DNAH8: variants seen among roughly 807,000 people sequenced by gnomAD.
DNAH8 encodes dynein axonemal heavy chain 8, also known as axonemal beta dynein heavy chain 8.
In DNAH8, 382 loss-of-function variants were observed where a neutral mutation model predicts 562.1. That is an observed-to-expected ratio of 0.68 (90% CI 0.63 to 0.74). The LOEUF is 0.74. Ranked by LOEUF, DNAH8 falls within the 30% of genes least tolerant of loss-of-function variation. The pLI is 0.00. For missense variants in DNAH8, 5,203 were observed against 5,620.4 expected (o/e 0.93, Z 2.37); for synonymous variants, 1,881 against 1,919.4 (o/e 0.98, Z 0.52).
chr6:38,912,009 A>AT (rs1401409902), intron 66 of DNAH8, among the ~76,000 whole-genome samples: 1 of 152,270 alleles, frequency 6.6e-6, no homozygotes, highest in Non-Finnish European at 1.5e-5. Flanking sequence ...GCAAAAACAA[A>AT]TAAAAACAAA....
At chr6:38,756,392 T>G (rs1419333972) in intron 10 of DNAH8, among the ~76,000 whole-genome samples, 1 of 152,200 alleles carries the variant, frequency 6.6e-6, no homozygotes, top group Non-Finnish European at 1.5e-5. Context: ...TAACAGTGCT[T>G]CTTTAGCTAC....
intron 43 of DNAH8, 121 bp downstream of exon 43, chr6:38,860,750 A>G (rs971060866): frequency 4.9e-6 from 3 of 606,284 alleles, no homozygotes; most frequent in Non-Finnish European, 5.2e-6. Flanking sequence ...ATGCTAGCTC[A>G]TTAAAGTCAG....
At chr6:38,749,716 C>A (rs950403324) in intron 8 of DNAH8, among the ~76,000 whole-genome samples, 1 of 152,196 alleles carries the variant, frequency 6.6e-6, no homozygotes, top group Non-Finnish European at 1.5e-5. Flanking sequence ...ACAGGAAGAA[C>A]TTTCTCATAA....
chr6:38,773,535 C>T (rs182600950), intron 12 of DNAH8, among the ~76,000 whole-genome samples: 1 of 152,264 alleles, frequency 6.6e-6, no homozygotes, highest in Admixed American at 6.5e-5. Flanking sequence ...CACAAGTGCT[C>T]AGCAACCAGA....
chr6:39,021,405 C>T (rs1448767876), intron 91 of DNAH8, among the ~76,000 whole-genome samples: 1 of 152,162 alleles, frequency 6.6e-6, no homozygotes, highest in Non-Finnish European at 1.5e-5. Context: ...AAATCTGGTG[C>T]CTGGGTTCCA....
At chr6:38,866,738 G>C in intron 46 of DNAH8, 31 bp from the exon 47 acceptor site, 1 of 1,596,950 alleles carries the variant, frequency 6.3e-7, no homozygotes, top group East Asian at 2.2e-5. Context: ...TTTCACTAAA[G>C]TTGAAAAAAA....
At chr6:39,009,571 GT>G in intron 89 of DNAH8, among the ~76,000 whole-genome samples, 1 of 152,118 alleles carries the variant, frequency 6.6e-6, no homozygotes, top group East Asian at 1.9e-4. Context: ...CAGTAGCTGT[GT>G]TTTTGAGCAC....
At chr6:39,029,948 T>C (rs1239186828) in intron 92 of DNAH8, among the ~76,000 whole-genome samples, 157 bp from the exon 93 acceptor site, 1 of 152,208 alleles carries the variant, frequency 6.6e-6, no homozygotes, top group East Asian at 1.9e-4. Context: ...CTGGGCTCAG[T>C]ATTTCACGAA....
At chr6:38,988,614 C>A (rs1366649205) in intron 87 of DNAH8, among the ~76,000 whole-genome samples, 2 of 152,224 alleles carry the variant, frequency 1.3e-5, no homozygotes, top group Non-Finnish European at 2.9e-5. Context: ...CAATAGTCAT[C>A]CATGATATGA....
intron 44 of DNAH8, among the ~76,000 whole-genome samples, chr6:38,863,467 C>T (rs1015255020): frequency 2.0e-5 from 3 of 151,646 alleles, no homozygotes; most frequent in African/African-American, 7.3e-5. Flanking sequence ...ACAAAAAACC[C>T]CAAAACTCCT....
intron 23 of DNAH8, 27 bp downstream of exon 23, chr6:38,805,623 A>T: frequency 7.9e-7 from 1 of 1,272,402 alleles, no homozygotes; most frequent in Non-Finnish European, 1.1e-6. Context: ...AACTTCATGC[A>T]ATTCACAGAA....
At chr6:38,809,145 T>C (rs554863386) in intron 24 of DNAH8, among the ~76,000 whole-genome samples, 1 of 152,258 alleles carries the variant, frequency 6.6e-6, no homozygotes, top group South Asian at 2.1e-4. Context: ...TTCTATCGAA[T>C]TGGATTAATT....
intron 65 of DNAH8, among the ~76,000 whole-genome samples, chr6:38,910,972 C>G (rs1780845871): frequency 6.6e-6 from 1 of 152,210 alleles, no homozygotes; most frequent in Non-Finnish European, 1.5e-5. Context: ...CAAGGCCAAT[C>G]CAGTGAACTT....
At chr6:38,984,425 C>T (rs1041312025) in intron 87 of DNAH8, 118 bp downstream of exon 87, 1 of 677,014 alleles carries the variant, frequency 1.5e-6, no homozygotes, top group South Asian at 1.7e-5. Context: ...AAAGAATTAG[C>T]CAAGAAACAA....
chr6:38,860,601 C>T lies in DNAH8; in HGVS notation c.6103C>T (p.Arg2035Cys), dbSNP rs753290114. Residue 2035 changes from arginine to cysteine, a missense_variant, in exon 43 of 93, where the codon CGT becomes TGT. Arg to Cys is a radical substitution (Grantham distance 180). Around this residue, in one of 6 missense-constraint regions of DNAH8, gnomAD observed 2,176 missense variants for 2,365.1 expected, o/e 0.92. Transcript: ENST00000327475. Reference sequence around the variant, plus strand: ...AAATGAATTTCTGGGATGTACTGATCGTCTTGTTATCACTCCATTAACAGA... The same window carrying T: ...AAATGAATTTCTGGGATGTACTGATTGTCTTGTTATCACTCCATTAACAGA... ...YQNEFLGCTD[R>C]LVITPLTDRC... The T allele has an allele frequency of 7.1e-6, 11 of 1,543,296 alleles. No individual in the cohort carries two copies. In the South Asian group the frequency reaches 7.9e-5, roughly 11 times the overall value.
At chr6:38,869,556 A>G (rs1425218893) in intron 48 of DNAH8, among the ~76,000 whole-genome samples, 1 of 152,204 alleles carries the variant, frequency 6.6e-6, no homozygotes, top group Non-Finnish European at 1.5e-5. Flanking sequence ...TCTATGCATT[A>G]AAGACATTGC....
rs764338465 is a variant in DNAH8 at position 38,868,193 on chromosome 6, A to C, written c.6825A>C (p.Lys2275Asn). 3 of 1,601,752 alleles carry C rather than the reference A, an allele frequency of 1.9e-6. No individual in the cohort carries two copies. In the South Asian group the frequency reaches 3.4e-5, roughly 18 times the overall value. ...GACTAAGAGATATGAACCTTTCCAA[A>C]CTGGTATCTTCTCTGAATTCTCTTC... ...MRGLRDMNLS[K>N]LVDEDEPLFL... The change falls in exon 48 of 93, where the codon AAA becomes AAC. Residue 2275 changes from lysine (K) to asparagine (N), a missense_variant. Physicochemically the swap from Lys to Asn is moderately conservative, Grantham distance 94. Around this residue, in one of 6 missense-constraint regions of DNAH8, gnomAD observed 2,176 missense variants for 2,365.1 expected, o/e 0.92. Transcript: ENST00000327475.
chr6:38,759,265 A>G (rs770265110), intron 10 of DNAH8, among the ~76,000 whole-genome samples: 53 of 152,062 alleles, frequency 3.5e-4, no homozygotes, highest in Non-Finnish European at 6.9e-4. Flanking sequence ...CTGTGATAAC[A>G]CCATGGCACT....
At chr6:38,920,982 C>T (rs771642866) in intron 70 of DNAH8, among the ~76,000 whole-genome samples, 29 of 152,106 alleles carry the variant, frequency 1.9e-4, no homozygotes, top group African/African-American at 6.0e-4. Context: ...CCTCGACCTC[C>T]GGGGCCCAAG....
Sources: allele counts gnomAD v4.1 joint callset (sites outside exome capture counted in the v4.1 genomes callset), GRCh38; gene constraint gnomAD v4.1.1; regional missense constraint gnomAD v4.1.1; transcripts MANE v1.5; gene names NCBI Gene and HGNC (gene_info 2026-07-23, HGNC 2026-07-21).